Variants in TMPRSS11A observed in about 807,000 individuals in gnomAD.
TMPRSS11A encodes the protein transmembrane protease serine 11A.
TMPRSS11A carries 53 observed loss-of-function variants against 58.9 expected under a neutral mutation model. The ratio of observed to expected loss-of-function variants is 0.90; its 90% confidence interval spans 0.72 to 1.13. The LOEUF (loss-of-function observed/expected upper bound fraction) is 1.13, where lower values mean the gene tolerates loss of function less well. TMPRSS11A is among the 50% of genes most tolerant of loss of function. TMPRSS11A has a pLI of 0.00. For synonymous variants in TMPRSS11A, 167 were observed against 169.8 expected, an observed-to-expected ratio of 0.98 and a Z score of 0.13; for missense variants, 493 against 499.3, an observed-to-expected ratio of 0.99 and a Z score of 0.12.
At chr4:67,950,822 A>C (rs17088822) in intron 1 of TMPRSS11A, among the ~76,000 whole-genome samples, 18,147 of 152,272 alleles carry the variant, frequency 0.12, 3,427 homozygotes, top group African/African-American at 0.4. Context: ...GTAATTTTGG[A>C]AATACAAAGT....
At position 67,914,722 on chromosome 4, in the gene TMPRSS11A, G is replaced by A; in HGVS notation, c.961C>T (p.Gln321Ter). 1 of 1,612,142 alleles carries A rather than the reference G, an allele frequency of 6.2e-7. No individual in the cohort carries two copies. The highest frequency in any genetic ancestry group is 8.5e-7 in the Non-Finnish European group (1 of 1,179,074). Residue 321 changes from glutamine to a stop codon, truncating the protein, a stop_gained, in exon 9 of 10, where the codon CAA becomes TAA. Transcript: ENST00000508048. LOFTEE classifies it high-confidence loss of function. ...ACTCTGGCTTCTCGGAGATCATTTT[G>A]GGATTCCCCTTAAGGAAAAATAGAG... ...FGALYYGGESQNDLREARVKI... is the reference protein window; with the variant it reads ...FGALYYGGES
intron 3 of TMPRSS11A, among the ~76,000 whole-genome samples, chr4:67,935,697 G>A (rs1376575592): frequency 6.6e-6 from 1 of 152,104 alleles, no homozygotes; most frequent in Non-Finnish European, 1.5e-5. Flanking sequence ...TGATAAAAAG[G>A]TGAGAATTTA....
chr4:67,937,604 A>C (rs571897440), intron 3 of TMPRSS11A, among the ~76,000 whole-genome samples: 20 of 152,268 alleles, frequency 1.3e-4, no homozygotes, highest in African/African-American at 4.1e-4. Context: ...TCTCCCCTCC[A>C]TCATTTTCCA....
chr4:67,918,894 C>T, intron 8 of TMPRSS11A, 79 bp downstream of exon 8: 1 of 1,506,614 alleles, frequency 6.6e-7, no homozygotes, highest in Non-Finnish European at 9.1e-7. Context: ...AAATGGCTGT[C>T]AGGATAATAT....
chr4:67,914,485 G>T, intron 9 of TMPRSS11A, 103 bp downstream of exon 9: 1 of 1,074,666 alleles, frequency 9.3e-7, no homozygotes, highest in South Asian at 1.5e-5. Context: ...TTTTTGAGCT[G>T]ACATGATATC....
chr4:67,940,617 T>C (rs1199043781), intron 3 of TMPRSS11A, among the ~76,000 whole-genome samples: 2 of 152,218 alleles, frequency 1.3e-5, no homozygotes, highest in African/African-American at 4.8e-5. Context: ...CGTGCTTATT[T>C]GTATCTTCTT....
At chr4:67,949,763 G>A (rs914810942) in intron 1 of TMPRSS11A, among the ~76,000 whole-genome samples, 1 of 152,096 alleles carries the variant, frequency 6.6e-6, no homozygotes, top group Non-Finnish European at 1.5e-5. Context: ...GGAGACTGAG[G>A]CACCAGAATT....
At chr4:67,942,582 A>C (rs1720906177) in intron 3 of TMPRSS11A, among the ~76,000 whole-genome samples, 1 of 152,226 alleles carries the variant, frequency 6.6e-6, no homozygotes, top group African/African-American at 2.4e-5. Flanking sequence ...ATACTAAGAC[A>C]CTAAGTGTTG....
At chr4:67,949,767 C>G (rs946322103) in intron 1 of TMPRSS11A, among the ~76,000 whole-genome samples, 7 of 152,000 alleles carry the variant, frequency 4.6e-5, no homozygotes, top group Non-Finnish European at 8.8e-5. Context: ...ACTGAGGCAC[C>G]AGAATTGCTT....
At chr4:67,916,144 C>T (rs1444135334) in intron 8 of TMPRSS11A, among the ~76,000 whole-genome samples, 2 of 151,922 alleles carry the variant, frequency 1.3e-5, no homozygotes, top group Non-Finnish European at 2.9e-5. Flanking sequence ...GTTCTTGCCA[C>T]AAAAATGATA....
intron 7 of TMPRSS11A, 119 bp from the exon 8 acceptor site, chr4:67,919,351 A>C: frequency 1.1e-6 from 1 of 900,724 alleles, no homozygotes; most frequent in Non-Finnish European, 1.7e-6. Flanking sequence ...GGCTGCAGTT[A>C]TAGTTTTCTT....
intron 5 of TMPRSS11A, among the ~76,000 whole-genome samples, chr4:67,928,445 A>G (rs886472651): frequency 6.6e-6 from 1 of 152,230 alleles, no homozygotes; most frequent in African/African-American, 2.4e-5. Flanking sequence ...AGCCTACAAA[A>G]AACAAAAAGA....
At chr4:67,930,652 T>G (rs1474721216) in intron 4 of TMPRSS11A, among the ~76,000 whole-genome samples, 2 of 151,916 alleles carry the variant, frequency 1.3e-5, no homozygotes, top group Non-Finnish European at 2.9e-5. Flanking sequence ...ACATGCCCAA[T>G]TTCTTGAACT....
chr4:67,928,537 A>G (rs1720531484), intron 5 of TMPRSS11A, among the ~76,000 whole-genome samples: 1 of 152,234 alleles, frequency 6.6e-6, no homozygotes, highest in Non-Finnish European at 1.5e-5. Context: ...TTAACTATTT[A>G]TTGGAAATTA....
intron 1 of TMPRSS11A, among the ~76,000 whole-genome samples, chr4:67,959,330 T>A (rs369852727): frequency 2.0e-5 from 3 of 151,948 alleles, no homozygotes; most frequent in African/African-American, 4.8e-5. Flanking sequence ...CAAAAGCAAT[T>A]GCAACAAAAC....
intron 4 of TMPRSS11A, 46 bp downstream of exon 4, chr4:67,931,946 CT>C: frequency 2.6e-6 from 3 of 1,167,078 alleles, no homozygotes; most frequent in African/African-American, 1.5e-5. Flanking sequence ...TCCTTTGTTC[CT>C]TTTCCCTCCA....
At chr4:67,951,052 G>A (rs995050679) in intron 1 of TMPRSS11A, among the ~76,000 whole-genome samples, 1 of 152,224 alleles carries the variant, frequency 6.6e-6, no homozygotes, top group African/African-American at 2.4e-5. Flanking sequence ...AGCCCCAAAG[G>A]ATGTGAGTCC....
chr4:67,917,283 G>T (rs1455103690), intron 8 of TMPRSS11A, among the ~76,000 whole-genome samples: 1 of 151,692 alleles, frequency 6.6e-6, no homozygotes, highest in African/African-American at 2.4e-5. Flanking sequence ...TATTTTAGCA[G>T]CATCTGGCAT....
chr4:67,952,215 G>C (rs1195769846), intron 1 of TMPRSS11A, among the ~76,000 whole-genome samples: 2 of 152,180 alleles, frequency 1.3e-5, no homozygotes, highest in African/African-American at 4.8e-5. Flanking sequence ...TGCTCTGAGA[G>C]AGCAATAACT....
Sources: allele counts gnomAD v4.1 joint callset (sites outside exome capture counted in the v4.1 genomes callset), GRCh38; gene constraint gnomAD v4.1.1; transcripts MANE v1.5; gene names NCBI Gene and HGNC (gene_info 2026-07-23, HGNC 2026-07-21).